PPP3CA: variants seen among roughly 807,000 people sequenced by gnomAD.
PPP3CA encodes protein phosphatase 3 catalytic subunit alpha.
A neutral mutation model predicts 66.5 loss-of-function variants in PPP3CA; 14 were observed. That is an observed-to-expected ratio of 0.21 (90% CI 0.14 to 0.33). The LOEUF is 0.33. PPP3CA is among the 10% of genes least tolerant of loss of function. The probability of loss-of-function intolerance (pLI) is 1.00; values close to 1 mark genes in which losing one functional copy is unlikely to be tolerated. For synonymous variants in PPP3CA, 232 were observed against 226.2 expected (o/e 1.03, Z -0.23); for missense variants, 317 against 639.5 (o/e 0.50, Z 5.44).
chr4:101,319,488 T>C (rs1047890474), intron 1 of PPP3CA, among the ~76,000 whole-genome samples: 1 of 152,124 alleles, frequency 6.6e-6, no homozygotes, highest in Non-Finnish European at 1.5e-5. Flanking sequence ...TACCCAAAAC[T>C]TTCACATTAC....
At chr4:101,322,005 T>C (rs1423905103) in intron 1 of PPP3CA, among the ~76,000 whole-genome samples, 7 of 152,224 alleles carry the variant, frequency 4.6e-5, no homozygotes, top group Admixed American at 4.6e-4. Flanking sequence ...CTTGTTTCAT[T>C]TGTCCTTTAA....
intron 8 of PPP3CA, among the ~76,000 whole-genome samples, chr4:101,073,022 A>T (rs1300794073): frequency 6.6e-6 from 1 of 151,648 alleles, no homozygotes; most frequent in Non-Finnish European, 1.5e-5. Context: ...TGAAATTAAT[A>T]TTACAGTTGG....
chr4:101,083,169 T>C lies in PPP3CA; in HGVS notation c.860+17A>G. 3 of 1,423,126 alleles carry C rather than the reference T, an allele frequency of 2.1e-6. No individual in the cohort carries two copies. Among genetic ancestry groups the C allele is most frequent in the Non-Finnish European group, 2.8e-6 (3 of 1,081,706 alleles). 88.2% of individuals were successfully genotyped at this position (1,423,126 alleles called of 1,614,324 possible). ...ATGGACAATGCATGGTTTTTATAAA[T>C]GCTCAAAACTGCTCACCCTGCATCT... is the stretch of plus-strand genomic sequence containing the variant. On this transcript the variant is annotated intron_variant, in intron 7 of 13. Transcript: ENST00000394854.
At chr4:101,093,387 G>C (rs1440189635) in intron 6 of PPP3CA, among the ~76,000 whole-genome samples, 1 of 150,264 alleles carries the variant, frequency 6.7e-6, no homozygotes, top group Non-Finnish European at 1.5e-5. Context: ...AGTATTTTCT[G>C]ATTAAGGTAT....
intron 2 of PPP3CA, among the ~76,000 whole-genome samples, chr4:101,119,611 C>A (rs1721959425): frequency 6.6e-6 from 1 of 152,082 alleles, no homozygotes; most frequent in Non-Finnish European, 1.5e-5. Flanking sequence ...AATCACTCCT[C>A]TTCCTTGTCA....
chr4:101,168,773 C>T lies in PPP3CA; in HGVS notation c.259+27143G>A, dbSNP rs1723775282. Among the ~76,000 whole-genome samples the T allele has an allele frequency of 2.6e-5, 4 of 152,104 alleles. No individual in the cohort carries two copies. In the South Asian group the frequency reaches 8.3e-4, roughly 32 times the overall value. On this transcript the variant is annotated intron_variant, in intron 2 of 13. Coordinates refer to ENST00000394854, the MANE Select transcript of PPP3CA (RefSeq NM_000944.5). ...ATCTATTAAGACCATATATACGTCT[C>T]CTTAAAAATTAGTTTTTAGGAGCTA...
chr4:101,079,631 T>C (rs547799545), intron 8 of PPP3CA, among the ~76,000 whole-genome samples: 11 of 152,192 alleles, frequency 7.2e-5, no homozygotes, highest in African/African-American at 9.7e-5. Flanking sequence ...TCCATTTCTC[T>C]TAATCTCAGA....
intron 1 of PPP3CA, among the ~76,000 whole-genome samples, chr4:101,241,650 C>T (rs1726314566): frequency 6.6e-6 from 1 of 151,994 alleles, no homozygotes; most frequent in African/African-American, 2.4e-5. Flanking sequence ...CTGACAATAC[C>T]TTCCTGAGAT....
At chr4:101,041,153 T>G (rs1450489641) in intron 10 of PPP3CA, among the ~76,000 whole-genome samples, 12 of 152,060 alleles carry the variant, frequency 7.9e-5, no homozygotes, top group Admixed American at 7.2e-4. Context: ...GAGAAAAGAG[T>G]AGAGAACTGC....
chr4:101,254,500 G>A (rs1244099332), intron 1 of PPP3CA, among the ~76,000 whole-genome samples: 1 of 151,738 alleles, frequency 6.6e-6, no homozygotes, highest in Non-Finnish European at 1.5e-5. Flanking sequence ...CTCTAAAATG[G>A]TAATCATATT....
At chr4:101,288,702 G>A (rs886584633) in intron 1 of PPP3CA, among the ~76,000 whole-genome samples, 1 of 151,898 alleles carries the variant, frequency 6.6e-6, no homozygotes, top group African/African-American at 2.4e-5. Context: ...ATGTTCATGA[G>A]GTAGTAAAAA....
intron 3 of PPP3CA, among the ~76,000 whole-genome samples, chr4:101,106,370 GAGAAAAGAAAGAAAGAAAGAAAGAA>G (rs1730675016): frequency 5.2e-5 from 1 of 19,060 alleles, no homozygotes; most frequent in Admixed American, 7.9e-4. Context: ...ATTTAAAAGA[GAGAAAAGAAAGAAAGAAAGAAAGAA>G]AGAAAGAAAG....
chr4:101,087,285 G>C (rs77756622), intron 6 of PPP3CA, among the ~76,000 whole-genome samples: 7,959 of 152,212 alleles, frequency 0.052, 749 homozygotes, highest in African/African-American at 0.18. Flanking sequence ...AACTTTTCCA[G>C]AATTTAAGTT....
intron 1 of PPP3CA, among the ~76,000 whole-genome samples, chr4:101,314,586 A>AAAAAAAAAAAAAC (rs1728829854): frequency 6.6e-6 from 1 of 151,302 alleles, no homozygotes; most frequent in Non-Finnish European, 1.5e-5. Context: ...AAAAAAAAAA[A>AAAAAAAAAAAAAC]AAAAAAGATT....
intron 2 of PPP3CA, among the ~76,000 whole-genome samples, chr4:101,126,091 GA>G (rs1478635992): frequency 2.0e-5 from 3 of 152,206 alleles, no homozygotes; most frequent in Admixed American, 2.0e-4. Flanking sequence ...AAATCTGCTA[GA>G]ATAATGCATG....
At chr4:101,264,285 T>C (rs547472402) in intron 1 of PPP3CA, among the ~76,000 whole-genome samples, 3 of 152,280 alleles carry the variant, frequency 2.0e-5, no homozygotes, top group Non-Finnish European at 4.4e-5. Context: ...CAGCACTTTA[T>C]TAGTAAATGA....
chr4:101,049,341 G>C (rs983329502), intron 10 of PPP3CA, among the ~76,000 whole-genome samples: 2 of 151,922 alleles, frequency 1.3e-5, no homozygotes, highest in Admixed American at 6.6e-5. Context: ...CCTTACAGAG[G>C]ATATTGCTCC....
chr4:101,153,048 T>G (rs368722753), intron 2 of PPP3CA, among the ~76,000 whole-genome samples: 1 of 151,778 alleles, frequency 6.6e-6, no homozygotes, highest in Admixed American at 6.6e-5. Context: ...AGTCTGGAGA[T>G]TAAGGGGAAA....
Position 101,230,192 on chromosome 4 carries a change from C to T in PPP3CA, c.59-34076G>A, listed in dbSNP as rs183666646. Among the ~76,000 whole-genome samples, 55 of 151,652 alleles carry T rather than the reference C, an allele frequency of 3.6e-4. No homozygotes were observed. The East Asian group carries it at 4.1e-3, about 11-fold the overall frequency. On this transcript the variant is annotated intron_variant, in intron 1 of 13. Coordinates refer to ENST00000394854, the MANE Select transcript of PPP3CA (RefSeq NM_000944.5). ...TAATATTTAGAAGCATTTAGTCATA[C>T]GTCTAGAAATTTTTAATATGTCAAC...
Sources: gnomAD v4.1 joint callset for allele counts (sites outside exome capture counted in the v4.1 genomes callset) on GRCh38, gnomAD v4.1.1 for gene constraint, MANE v1.5 for transcripts, NCBI Gene and HGNC (gene_info 2026-07-23, HGNC 2026-07-21) for gene names.